PTGIR: variants seen among roughly 807,000 people sequenced by gnomAD.
PTGIR encodes prostaglandin I2 receptor.
PTGIR carries 16 observed loss-of-function variants against 17.6 expected under a neutral mutation model. That is an observed-to-expected ratio of 0.91 (90% CI 0.61 to 1.38). The LOEUF (loss-of-function observed/expected upper bound fraction) is 1.38, where lower values mean the gene tolerates loss of function less well. Among genes scored for constraint, PTGIR ranks in the 40% most tolerant of loss-of-function variants. The pLI, the probability that PTGIR is intolerant of heterozygous loss-of-function variation, is 0.00. For synonymous variants in PTGIR, 274 were observed against 255.4 expected, an observed-to-expected ratio of 1.07 and a Z score of -0.69; for missense variants, 532 against 548.6, an observed-to-expected ratio of 0.97 and a Z score of 0.30.
chr19:46,623,461 G>A lies in PTGIR; in HGVS notation c.765C>T (p.Leu255=), dbSNP rs373160760. ...TVVMAVCSLP[L]TIRCFTQAVA... ...CCCAGCTCCGGAGGGGACTCACCGT[G>A]AGAGGCAGGGAGCACACGGCCATGA... is the stretch of plus-strand genomic sequence containing the variant. Residue 255 remains leucine (L), a synonymous_variant, in exon 2 of 3, where the codon CTC becomes CTT. Transcript: ENST00000291294. 16 of 1,553,896 alleles carry A rather than the reference G, an allele frequency of 1.0e-5. No homozygotes were observed. The African/African-American group carries it at 1.9e-4, about 18-fold the overall frequency.
At chr19:46,618,634 A>G (rs1464886904), downstream of PTGIR, among the ~76,000 whole-genome samples, 1 of 152,184 alleles carries the variant, frequency 6.6e-6, no homozygotes, top group African/African-American at 2.4e-5. Flanking sequence ...TTTTAATCGC[A>G]GTAAGATACA....
chr19:46,612,574 G>A, the PTGIR span, among the ~76,000 whole-genome samples: 5 of 152,296 alleles, frequency 3.3e-5, no homozygotes, highest in East Asian at 1.9e-4. Flanking sequence ...TGACACAGCC[G>A]GAATCTGAAC....
chr19:46,619,481 T>C (rs187469136), downstream of PTGIR, among the ~76,000 whole-genome samples: 569 of 126,518 alleles, frequency 4.5e-3, 5 homozygotes, highest in African/African-American at 0.017. Flanking sequence ...GGTGACAGAG[T>C]GATATTCTGT....
rs1049515158 is a variant in PTGIR at position 46,621,552 on chromosome 19, T to G, written c.889A>C (p.Lys297Gln). The change falls in exon 3 of 3, where the codon AAG (lysine) becomes CAG (glutamine). Residue 297 changes from lysine (K) to glutamine (Q), a missense_variant. Coordinates refer to ENST00000291294, the MANE Select transcript of PTGIR (RefSeq NM_000960.4). The surrounding 1 kb of genome is among the most constrained non-coding windows in gnomAD (Gnocchi z 4.8). ...LDPWVFILFR[K>Q]AVFQRLKLWV... ...AGCTTGAGTCGCTGGAAGACAGCCT[T>G]GCGGAAAAGGATGAAGACCCAGGGG... 2 of 1,613,854 alleles carry G rather than the reference T, an allele frequency of 1.2e-6. No homozygotes were observed. Among genetic ancestry groups the G allele is most frequent in the African/African-American group, 1.3e-5 (1 of 74,880 alleles).
chr19:46,624,220 C>T lies in PTGIR; in HGVS notation c.6G>A (p.Ala2=), dbSNP rs748955635. Residue 2 remains alanine (A), a synonymous_variant, in exon 2 of 3, where the codon GCG becomes GCA. Coordinates refer to ENST00000291294, the MANE Select transcript of PTGIR (RefSeq NM_000960.4). ...CGTAGGTGAGGTTCCTGCACGAATC[C>T]GCCATCCCAGGTCTGGGCTGGAGGG... M[A]DSCRNLTYVR... 9.7e-5 allele frequency: 140 copies of T among 1,444,808 alleles called. No homozygotes were observed. In the Middle Eastern group the frequency reaches 1.2e-3, roughly 13 times the overall value. 89.5% of individuals were successfully genotyped at this position (1,444,808 alleles called of 1,614,324 possible). A position where few individuals can be genotyped will look rare whatever the true frequency, so the allele number is the denominator to read the frequency against.
At chr19:46,613,373 C>A in the PTGIR span, among the ~76,000 whole-genome samples, 41 of 143,346 alleles carry the variant, frequency 2.9e-4, no homozygotes, top group African/African-American at 9.7e-4. Context: ...CCCTTCCCCC[C>A]CAGCCTAGGC....
At chr19:46,614,740 G>A in the PTGIR span, among the ~76,000 whole-genome samples, 8 of 151,850 alleles carry the variant, frequency 5.3e-5, no homozygotes, top group East Asian at 1.9e-4. Context: ...AGCCAGGTAA[G>A]CTGGGAGCGG....
chr19:46,616,787 C>T (rs776050658), downstream of PTGIR, among the ~76,000 whole-genome samples: 4 of 152,308 alleles, frequency 2.6e-5, no homozygotes, highest in African/African-American at 9.6e-5. Context: ...AACTGAGCTA[C>T]GGGAGGGCAG....
chr19:46,618,193 T>G (rs1420931490), downstream of PTGIR, among the ~76,000 whole-genome samples: 1 of 152,112 alleles, frequency 6.6e-6, no homozygotes. Flanking sequence ...TTTTTGTATT[T>G]TTAGTAGAGA....
chr19:46,614,502 T>C, the PTGIR span: 8 of 901,472 alleles, frequency 8.9e-6, no homozygotes, highest in African/African-American at 1.1e-4. Context: ...CATCACTTCC[T>C]GAGCCCCACC....
downstream of PTGIR, among the ~76,000 whole-genome samples, chr19:46,616,325 G>GTTTTTTTTTTTTT (rs1971961786): frequency 2.4e-5 from 2 of 81,666 alleles, no homozygotes; most frequent in South Asian, 5.0e-4. Context: ...CGACAGAAAT[G>GTTTTTTTTTTTTT]CTTTTTTTTT....
chr19:46,620,556 C>T lies in PTGIR; in HGVS notation c.*724G>A. 1.0e-6 allele frequency: 1 copy of T among 985,462 alleles called. No individual in the cohort carries two copies. The highest frequency in any genetic ancestry group is 1.2e-6 in the Non-Finnish European group (1 of 830,004). 61.0% of individuals were successfully genotyped at this position (985,462 alleles called of 1,614,324 possible). A position where few individuals can be genotyped will look rare whatever the true frequency, so the allele number is the denominator to read the frequency against. ...TGTGTTCTGGGGCAGTCCCTGGGAT[C>T]CGCAGCCCCCACCCTTCATCTGCCA... On this transcript the variant is annotated 3_prime_UTR_variant, in exon 3 of 3. Coordinates refer to ENST00000291294, the MANE Select transcript of PTGIR (RefSeq NM_000960.4).
chr19:46,623,922 AGAAGG>A lies in PTGIR; in HGVS notation c.299_303del (p.Thr100IlefsTer166), dbSNP rs761595464. 1.2e-5 allele frequency: 20 copies of A among 1,604,502 alleles called. No homozygotes were observed. Among genetic ancestry groups the A allele is most frequent in the Non-Finnish European group, 1.7e-5 (20 of 1,175,316 alleles). ...AGGATGAGCATGGACGCCAGGCCGA[AGAAGG>A]TCATGGCGAAGGCGAAGGCATCGCA... On this transcript the variant is annotated frameshift_variant, in exon 2 of 3. Transcript: ENST00000291294. LOFTEE classifies it high-confidence loss of function.
rs1249032105 is a variant in PTGIR, at chr19:46,624,133, G to A, written c.93C>T (p.Asn31=). 1.4e-5 allele frequency: 21 copies of A among 1,535,334 alleles called. No homozygotes were observed. Among genetic ancestry groups the A allele is most frequent in the Admixed American group, 2.0e-5 (1 of 50,608 alleles). Residue 31 remains asparagine, a synonymous_variant, in exon 2 of 3, where the codon AAC becomes AAT. Transcript: ENST00000291294. ...TLMFVAGVVG[N]GLALGILSAR... is the part of the protein sequence containing the mutation. Reference sequence around the variant, plus strand: ...CGCTCAGGATGCCCAGGGCCAGCCCGTTGCCCACCACACCGGCCACGAACA... The same window carrying A: ...CGCTCAGGATGCCCAGGGCCAGCCCATTGCCCACCACACCGGCCACGAACA...
At chr19:46,619,274 C>T (rs1460876339), downstream of PTGIR, among the ~76,000 whole-genome samples, 1 of 151,932 alleles carries the variant, frequency 6.6e-6, no homozygotes, top group Admixed American at 6.6e-5. Flanking sequence ...GGGAGGATCA[C>T]TTGAGGTCAG....
At chr19:46,616,319 A>G (rs564691763), downstream of PTGIR, among the ~76,000 whole-genome samples, 6 of 136,472 alleles carry the variant, frequency 4.4e-5, no homozygotes, top group East Asian at 1.2e-3. Context: ...TAAGCACGAC[A>G]GAAATGCTTT....
chr19:46,623,848 G>C lies in PTGIR; in HGVS notation c.378C>G (p.Leu126=). The part of the protein sequence containing the change: ...ERCLALSHPY[L]YAQLDGPRCA... ...AGCGGGGCCCGTCCAGCTGCGCGTA[G>C]AGGTAGGGGTGGCTCAGCGCCAGGC... The change falls in exon 2 of 3, where the codon CTC becomes CTG. Residue 126 remains leucine (L), a synonymous_variant. Coordinates refer to ENST00000291294, the MANE Select transcript of PTGIR (RefSeq NM_000960.4). 6.2e-7 allele frequency: 1 copy of C among 1,609,696 alleles called. No homozygotes were observed. Among genetic ancestry groups the C allele is most frequent in the Non-Finnish European group, 8.5e-7 (1 of 1,178,694 alleles).
downstream of PTGIR, among the ~76,000 whole-genome samples, chr19:46,619,049 C>T (rs755462014): frequency 2.6e-4 from 40 of 152,180 alleles, 1 homozygote; most frequent in Admixed American, 1.9e-3. Flanking sequence ...TCCCCAAAGC[C>T]GCCATGCAAG....
chr19:46,619,488 C>T (rs937293948), downstream of PTGIR, among the ~76,000 whole-genome samples: 1 of 130,208 alleles, frequency 7.7e-6, no homozygotes, highest in African/African-American at 2.9e-5. Context: ...GAGTGATATT[C>T]TGTCTCAAAA....
Sources: allele counts gnomAD v4.1 joint callset (sites outside exome capture counted in the v4.1 genomes callset), GRCh38; gene constraint gnomAD v4.1.1; non-coding constraint Gnocchi (gnomAD v3.1); transcripts MANE v1.5; gene names NCBI Gene and HGNC (gene_info 2026-07-23, HGNC 2026-07-21).